The following DOCK1 variants were observed in gnomAD, a reference collection of about 807,000 sequenced individuals.
DOCK1 encodes dedicator of cytokinesis 1, also known as dedicator of cytokinesis protein 1.
DOCK1 carries 138 observed loss-of-function variants against 262.7 expected under a neutral mutation model. The observed-to-expected ratio is 0.53, with a 90% CI of 0.46 to 0.61. DOCK1 has a LOEUF of 0.61. Ranked by LOEUF, DOCK1 falls within the 20% of genes least tolerant of loss-of-function variation. The probability of loss-of-function intolerance (pLI) is 0.00; values close to 1 mark genes in which losing one functional copy is unlikely to be tolerated. For missense variants in DOCK1, 1,908 were observed against 2,370.7 expected (o/e 0.80, Z 4.05); for synonymous variants, 866 against 867.4 (o/e 1.00, Z 0.03).
intron 33 of DOCK1, among the ~76,000 whole-genome samples, chr10:127,365,353 C>T (rs919902893): frequency 1.3e-5 from 2 of 152,146 alleles, no homozygotes; most frequent in Non-Finnish European, 2.9e-5. Context: ...GATGTTAATA[C>T]GATAAGATTT....
intron 29 of DOCK1, among the ~76,000 whole-genome samples, chr10:127,310,686 A>G (rs2062032931): frequency 6.6e-6 from 1 of 152,220 alleles, no homozygotes; most frequent in South Asian, 2.1e-4. Context: ...TCAAAGCCGC[A>G]GGAGTGGCCA....
chr10:127,054,049 C>T (rs2044954512), intron 22 of DOCK1, among the ~76,000 whole-genome samples: 1 of 152,144 alleles, frequency 6.6e-6, no homozygotes, highest in Non-Finnish European at 1.5e-5. Flanking sequence ...AAGCATGGTG[C>T]CCTTGTAACC....
intron 29 of DOCK1, among the ~76,000 whole-genome samples, chr10:127,336,087 A>AC (rs1185177869): frequency 6.6e-6 from 1 of 151,682 alleles, no homozygotes; most frequent in African/African-American, 2.4e-5. Flanking sequence ...TCCTGACCTC[A>AC]GGTGATCTGC....
At chr10:127,245,060 C>T (rs1386800850) in intron 27 of DOCK1, among the ~76,000 whole-genome samples, 1 of 152,176 alleles carries the variant, frequency 6.6e-6, no homozygotes, top group Admixed American at 6.5e-5. Context: ...CCGTTTTATC[C>T]ACCCTTATAA....
intron 40 of DOCK1, among the ~76,000 whole-genome samples, chr10:127,407,043 G>C (rs1039564812): frequency 1.3e-5 from 2 of 151,568 alleles, no homozygotes; most frequent in Non-Finnish European, 2.9e-5. Flanking sequence ...GGGGGCGGTG[G>C]GGAGAAATAG....
intron 1 of DOCK1, among the ~76,000 whole-genome samples, chr10:126,945,661 T>C (rs940543169): frequency 1.3e-5 from 2 of 152,204 alleles, no homozygotes; most frequent in Admixed American, 6.5e-5. Context: ...CAAATACTCT[T>C]TACCTGTGGA....
intron 27 of DOCK1, among the ~76,000 whole-genome samples, chr10:127,167,998 C>T (rs1279157784): frequency 6.6e-6 from 1 of 152,186 alleles, no homozygotes; most frequent in Non-Finnish European, 1.5e-5. Flanking sequence ...GACTGAGACC[C>T]TCTTTGTCCA....
intron 47 of DOCK1, among the ~76,000 whole-genome samples, chr10:127,427,905 C>G (rs1386013806): frequency 6.6e-6 from 1 of 152,234 alleles, no homozygotes; most frequent in Non-Finnish European, 1.5e-5. Context: ...CAACATAACA[C>G]AACTGCTGCT....
At chr10:127,110,208 A>C in intron 24 of DOCK1, 40 bp from the exon 25 acceptor site, 1 of 1,522,654 alleles carries the variant, frequency 6.6e-7, no homozygotes, top group Non-Finnish European at 9.0e-7. Context: ...TCCTTTTGCT[A>C]TGTGTCTCAA....
At chr10:126,950,950 G>A (rs2036164794) in intron 1 of DOCK1, among the ~76,000 whole-genome samples, 2 of 152,046 alleles carry the variant, frequency 1.3e-5, no homozygotes, top group Admixed American at 6.6e-5. Context: ...TGGCGGTGAT[G>A]GTGGTGGTGG....
intron 1 of DOCK1, among the ~76,000 whole-genome samples, chr10:126,948,419 A>G (rs1227018351): frequency 0.92 from 36,952 of 40,240 alleles, 17,969 homozygotes; most frequent in East Asian, 1. Context: ...GTTGGTGGTG[A>G]TGGTGGTGGT....
intron 1 of DOCK1, among the ~76,000 whole-genome samples, chr10:126,919,089 AG>A (rs1400049234): frequency 3.9e-5 from 6 of 152,146 alleles, no homozygotes; most frequent in African/African-American, 7.2e-5. Context: ...GTTTCTCTTG[AG>A]GCCAGGAGTG....
chr10:127,392,186 C>CT, intron 38 of DOCK1, among the ~76,000 whole-genome samples: 1 of 151,986 alleles, frequency 6.6e-6, no homozygotes, highest in East Asian at 1.9e-4. Flanking sequence ...TGCTCTCAAA[C>CT]TTTCGTGGCT....
intron 50 of DOCK1, among the ~76,000 whole-genome samples, chr10:127,445,717 G>A (rs2070495174): frequency 1.3e-5 from 2 of 152,158 alleles, no homozygotes; most frequent in South Asian, 2.1e-4. Flanking sequence ...ATTCATAGCA[G>A]TATTTTTCAA....
intron 29 of DOCK1, among the ~76,000 whole-genome samples, chr10:127,310,504 A>G (rs1183270594): frequency 1.3e-5 from 2 of 152,212 alleles, no homozygotes; most frequent in African/African-American, 2.4e-5. Flanking sequence ...TGGAAATGTG[A>G]TAACCCGTTT....
chr10:127,342,120 T>C (rs1161656739), intron 30 of DOCK1, among the ~76,000 whole-genome samples: 2 of 141,946 alleles, frequency 1.4e-5, no homozygotes, highest in Non-Finnish European at 3.0e-5. Flanking sequence ...CTGCTGTTGT[T>C]GTTAAAGGGA....
At chr10:126,950,425 C>T (rs2036109697) in intron 1 of DOCK1, among the ~76,000 whole-genome samples, 1 of 152,048 alleles carries the variant, frequency 6.6e-6, no homozygotes, top group East Asian at 1.9e-4. Context: ...GCTCTCTCTC[C>T]TTTAGACTGG....
rs1224438191 is a variant in DOCK1, at chr10:126,995,334, A to G, written c.474-1414A>G. On this transcript the variant is annotated intron_variant, in intron 6 of 51. Transcript: ENST00000623213. The surrounding 1 kb of genome is among the most constrained non-coding windows in gnomAD (Gnocchi z 5.8). Reference sequence around the variant, plus strand: ...TAGCGAGCCGAGATCATGCCACTGCACTCCAGCCTGGGCAACACTGAGCAC... The same window carrying G: ...TAGCGAGCCGAGATCATGCCACTGCGCTCCAGCCTGGGCAACACTGAGCAC... 6.6e-6 allele frequency among the ~76,000 whole-genome samples: 1 copy of G among 152,124 alleles called. No homozygotes were observed. Among genetic ancestry groups the G allele is most frequent in the African/African-American group, 2.4e-5 (1 of 41,426 alleles).
intron 27 of DOCK1, among the ~76,000 whole-genome samples, chr10:127,134,686 G>A (rs1404575703): frequency 6.6e-6 from 1 of 152,162 alleles, no homozygotes; most frequent in African/African-American, 2.4e-5. Context: ...TCTGGGCTGT[G>A]CATTGGGCCT....
Sources: allele counts gnomAD v4.1 joint callset (sites outside exome capture counted in the v4.1 genomes callset), GRCh38; gene constraint gnomAD v4.1.1; non-coding constraint Gnocchi (gnomAD v3.1); transcripts MANE v1.5; gene names NCBI Gene and HGNC (gene_info 2026-07-23, HGNC 2026-07-21).